The following AKR1E2 variants were observed in gnomAD, a reference collection of about 807,000 sequenced individuals.
AKR1E2 encodes 1,5-anhydro-D-fructose reductase.
AKR1E2 carries 43 observed loss-of-function variants against 41.9 expected under a neutral mutation model. The observed-to-expected ratio is 1.03, with a 90% confidence interval of 0.80 to 1.32. AKR1E2 has a LOEUF of 1.32. Ranked by LOEUF, AKR1E2 falls within the 40% of genes most tolerant of loss-of-function variation. AKR1E2 has a pLI of 0.00. For missense variants in AKR1E2, 423 were observed against 396.5 expected (o/e 1.07, Z -0.57); for synonymous variants, 121 against 138.9 (o/e 0.87, Z 0.91).
At chr10:4,829,330 A>G (rs1263384568) in intron 1 of AKR1E2, among the ~76,000 whole-genome samples, 1 of 152,188 alleles carries the variant, frequency 6.6e-6, no homozygotes, top group African/African-American at 2.4e-5. Flanking sequence ...TCTGAGATAC[A>G]CTCAACATGG....
chr10:4,830,842 G>C lies in AKR1E2; in HGVS notation c.207G>C (p.Lys69Asn). 2 of 1,614,010 alleles carry C rather than the reference G, an allele frequency of 1.2e-6. No individual in the cohort carries two copies. The highest frequency in any genetic ancestry group is 1.7e-6 in the Non-Finnish European group (2 of 1,179,956). Reference protein sequence around the residue: ...VRREDLFIATKLWCTCHKKSL... With the variant: ...VRREDLFIATNLWCTCHKKSL... Reference sequence around the variant, plus strand: ...GGGAGGATCTGTTCATTGCCACTAAGGTAGGGCTTCTCTATGCAAGGCTGG... The same window carrying C: ...GGGAGGATCTGTTCATTGCCACTAACGTAGGGCTTCTCTATGCAAGGCTGG... Residue 69 changes from lysine (K) to asparagine (N), a missense_variant and splice_region_variant, in exon 2 of 10, where the codon AAG (lysine) becomes AAC (asparagine). Lys to Asn is a moderately conservative substitution (Grantham distance 94). Coordinates refer to ENST00000298375, the MANE Select transcript of AKR1E2 (RefSeq NM_001040177.3).
chr10:4,828,174 C>T (rs1303770825), intron 1 of AKR1E2, among the ~76,000 whole-genome samples: 1 of 152,318 alleles, frequency 6.6e-6, no homozygotes, highest in African/African-American at 2.4e-5. Flanking sequence ...TCCTCCCACA[C>T]GGGAGGTCAG....
chr10:4,854,551 C>T, the AKR1E2 span, among the ~76,000 whole-genome samples: 2 of 152,054 alleles, frequency 1.3e-5, no homozygotes, highest in East Asian at 1.9e-4. Context: ...AGTGAGGAAC[C>T]CCCCGCCCCG....
chr10:4,838,276 G>T (rs1833596542), intron 5 of AKR1E2, among the ~76,000 whole-genome samples: 1 of 152,178 alleles, frequency 6.6e-6, no homozygotes, highest in Non-Finnish European at 1.5e-5. Context: ...ATTCACGTCT[G>T]AACTTTACAC....
chr10:4,839,270 G>C (rs1227235542), intron 5 of AKR1E2, among the ~76,000 whole-genome samples: 1 of 152,054 alleles, frequency 6.6e-6, no homozygotes, highest in Non-Finnish European at 1.5e-5. Context: ...TCTTAGTGTT[G>C]GTGAGACATC....
the AKR1E2 span, among the ~76,000 whole-genome samples, chr10:4,867,521 G>C: frequency 6.6e-6 from 1 of 152,134 alleles, no homozygotes; most frequent in African/African-American, 2.4e-5. Context: ...TACAAATTCA[G>C]TATAAGTGGA....
chr10:4,836,888 C>T (rs570140632), intron 4 of AKR1E2, among the ~76,000 whole-genome samples: 109 of 152,332 alleles, frequency 7.2e-4, no homozygotes, highest in African/African-American at 2.6e-3. Flanking sequence ...CGAAGCTATG[C>T]TCTTCCTGAA....
downstream of AKR1E2, among the ~76,000 whole-genome samples, chr10:4,851,509 T>G (rs1834526628): frequency 6.6e-6 from 1 of 152,190 alleles, no homozygotes; most frequent in Admixed American, 6.5e-5. Flanking sequence ...AAACTACAAT[T>G]TTTAATGTGC....
chr10:4,866,013 A>C, the AKR1E2 span, among the ~76,000 whole-genome samples: 1 of 152,144 alleles, frequency 6.6e-6, no homozygotes, highest in African/African-American at 2.4e-5. Flanking sequence ...CTGAATTCTT[A>C]CTGTTTTGTA....
At chr10:4,855,743 T>C in the AKR1E2 span, among the ~76,000 whole-genome samples, 1 of 152,270 alleles carries the variant, frequency 6.6e-6, no homozygotes, top group African/African-American at 2.4e-5. Flanking sequence ...TCATGTGACT[T>C]AAGTAATCTT....
chr10:4,844,503 C>T (rs878871688), intron 8 of AKR1E2, among the ~76,000 whole-genome samples: 1 of 152,208 alleles, frequency 6.6e-6, no homozygotes, highest in Non-Finnish European at 1.5e-5. Context: ...TCTGGCCCCA[C>T]CCACATCCTG....
Position 4,847,482 on chromosome 10 carries a change from T to A in AKR1E2, c.921-6T>A. 1 of 1,611,544 alleles carries A rather than the reference T, an allele frequency of 6.2e-7. No individual in the cohort carries two copies. The highest frequency in any genetic ancestry group is 8.5e-7 in the Non-Finnish European group (1 of 1,179,166). On this transcript the variant is annotated splice_region_variant and splice_polypyrimidine_tract_variant and intron_variant, in intron 9 of 9. Coordinates refer to ENST00000298375, the MANE Select transcript of AKR1E2 (RefSeq NM_001040177.3). ...CCTATTTTTGATTTGTTTTTCTGTT[T>A]TTCAGAACTAAAAATCACAAAGACT...
At chr10:4,861,867 C>T in the AKR1E2 span, among the ~76,000 whole-genome samples, 1 of 151,962 alleles carries the variant, frequency 6.6e-6, no homozygotes, top group Non-Finnish European at 1.5e-5. Context: ...AAATTTTCTC[C>T]CATTCTGTAG....
intron 3 of AKR1E2, 80 bp downstream of exon 3, chr10:4,833,546 AG>A: frequency 1.7e-6 from 2 of 1,180,296 alleles, no homozygotes; most frequent in Non-Finnish European, 2.5e-6. Context: ...CGGTGGGGAG[AG>A]CATGGACCAG....
chr10:4,826,236 GGC>G lies in AKR1E2; in HGVS notation c.-87_-86del, dbSNP rs1301245797. 1 of 1,089,534 alleles carries G rather than the reference GGC, an allele frequency of 9.2e-7. No homozygotes were observed. The highest frequency in any genetic ancestry group is 1.2e-6 in the Non-Finnish European group (1 of 857,032). The allele number at this position is 1,089,534 out of a possible 1,614,324, so 67.5% of individuals were successfully genotyped here. A position where few individuals can be genotyped will look rare whatever the true frequency, so the allele number is the denominator to read the frequency against. On this transcript the variant is annotated 5_prime_UTR_variant, in exon 1 of 10. Transcript: ENST00000298375. ...CAAGGCACTTCCAGCCAGTCGCAAC[GGC>G]GGGTCGCCAGCGCCGCAGTAGCTCG...
chr10:4,826,155 C>T (rs890099182), upstream of AKR1E2: 5 of 470,162 alleles, frequency 1.1e-5, no homozygotes, highest in Non-Finnish European at 1.7e-5. Flanking sequence ...ACACCAGCAG[C>T]CAGTCAGGAA....
At chr10:4,858,730 A>G in the AKR1E2 span, among the ~76,000 whole-genome samples, 1 of 152,200 alleles carries the variant, frequency 6.6e-6, no homozygotes, top group Non-Finnish European at 1.5e-5. Flanking sequence ...CGGCACAACC[A>G]GAGACTAGAA....
downstream of AKR1E2, among the ~76,000 whole-genome samples, chr10:4,852,861 A>C (rs776726462): frequency 2.3e-4 from 35 of 152,216 alleles, no homozygotes; most frequent in Middle Eastern, 3.4e-3. Flanking sequence ...GTTTCTTCTG[A>C]GGCCTCTCTC....
At chr10:4,873,174 G>A in the AKR1E2 span, among the ~76,000 whole-genome samples, 3 of 152,166 alleles carry the variant, frequency 2.0e-5, no homozygotes, top group Non-Finnish European at 2.9e-5. Context: ...TGAGTCTCAC[G>A]AGATCTGATG....
Sources: gnomAD v4.1 joint callset for allele counts (sites outside exome capture counted in the v4.1 genomes callset) on GRCh38, gnomAD v4.1.1 for gene constraint, MANE v1.5 for transcripts, NCBI Gene and HGNC (gene_info 2026-07-23, HGNC 2026-07-21) for gene names.